Variants in PDIA3 observed in about 807,000 individuals in gnomAD.
PDIA3 encodes the protein protein disulfide isomerase family A member 3.
A neutral mutation model predicts 56.9 loss-of-function variants in PDIA3; 16 were observed. That is an observed-to-expected ratio of 0.28 (90% CI 0.19 to 0.43). The LOEUF is 0.43. Ranked by LOEUF, PDIA3 falls within the 20% of genes least tolerant of loss-of-function variation. The pLI is 1.00. For synonymous variants in PDIA3, 192 were observed against 216.5 expected (o/e 0.89, Z 0.99); for missense variants, 485 against 621.3 (o/e 0.78, Z 2.33).
rs552811479 is a variant in PDIA3 at position 43,751,095 on chromosome 15, G to T, written c.168-2729G>T. On this transcript the variant is annotated intron_variant, in intron 1 of 12. Transcript: ENST00000300289. ...TGCAGTGAGCTGAGATCATGCCACT[G>T]GACTCCAGCCTGAGTGACAGAGCAA... Among the ~76,000 whole-genome samples, 12 of 150,184 alleles carry T rather than the reference G, an allele frequency of 8.0e-5. No homozygotes were observed. In the South Asian group the frequency reaches 2.3e-3, roughly 29 times the overall value.
rs991467448 is a variant in PDIA3 at position 43,751,058 on chromosome 15, G to A, written c.168-2766G>A. ...GAGGCAGGAGAATTGCTTGAACCTG[G>A]GAGGTGCAGGTTGCAGTGAGCTGAG... On this transcript the variant is annotated intron_variant, in intron 1 of 12. Transcript: ENST00000300289. Among the ~76,000 whole-genome samples the A allele has an allele frequency of 2.6e-5, 4 of 151,796 alleles. No homozygotes were observed. In the East Asian group the frequency reaches 7.7e-4, roughly 29 times the overall value.
intron 2 of PDIA3, among the ~76,000 whole-genome samples, chr15:43,755,712 A>G (rs2086774576): frequency 1.3e-5 from 2 of 152,144 alleles, no homozygotes; most frequent in East Asian, 3.9e-4. Context: ...TCTGGAGTTC[A>G]AGACCAGCCT....
chr15:43,752,192 C>T (rs141934518), intron 1 of PDIA3, among the ~76,000 whole-genome samples: 38 of 152,328 alleles, frequency 2.5e-4, no homozygotes, highest in African/African-American at 8.4e-4. Context: ...TATTCTTTTA[C>T]GTTTGCTCTA....
chr15:43,753,934 G>A (rs778151391), intron 2 of PDIA3, 32 bp downstream of exon 2: 160 of 1,445,064 alleles, frequency 1.1e-4, no homozygotes, highest in Middle Eastern at 1.7e-4. Flanking sequence ...ACTAAAGGAC[G>A]TGAAGTATTT....
At position 43,769,498 on chromosome 15, in the gene PDIA3, G is replaced by C; in HGVS notation, c.1138-20G>C. 1 of 1,610,390 alleles carries C rather than the reference G, an allele frequency of 6.2e-7. No homozygotes were observed. Among genetic ancestry groups the C allele is most frequent in the Non-Finnish European group, 8.5e-7 (1 of 1,176,946 alleles). ...TTATTTTTTTATGTTACCAACTAGAGATTCTTCTGTGTTTTCCAGGTAGTG... is the reference window on the plus strand; with the variant it reads ...TTATTTTTTTATGTTACCAACTAGACATTCTTCTGTGTTTTCCAGGTAGTG... On this transcript the variant is annotated intron_variant, in intron 9 of 12. Coordinates refer to ENST00000300289, the MANE Select transcript of PDIA3 (RefSeq NM_005313.5).
At chr15:43,748,459 CAA>C (rs1567154177) in intron 1 of PDIA3, among the ~76,000 whole-genome samples, 1 of 151,782 alleles carries the variant, frequency 6.6e-6, no homozygotes, top group Non-Finnish European at 1.5e-5. Context: ...GCCTGGGCAA[CAA>C]GAGCGAAACT....
At chr15:43,746,983 C>T (rs572653588) in intron 1 of PDIA3, 3 of 527,842 alleles carry the variant, frequency 5.7e-6, no homozygotes, top group East Asian at 3.4e-5. Flanking sequence ...GAGGGTTTTG[C>T]CACCCCTTCC....
intron 9 of PDIA3, 77 bp downstream of exon 9, chr15:43,768,674 A>AATGAAG (rs2086863090): frequency 1.0e-6 from 1 of 957,434 alleles, no homozygotes; most frequent in Non-Finnish European, 1.7e-6. Flanking sequence ...GTGGGGTCTA[A>AATGAAG]ATGAAGACTT....
intron 7 of PDIA3, 115 bp from the exon 8 acceptor site, chr15:43,766,613 C>T (rs781589736): frequency 2.2e-5 from 17 of 788,056 alleles, no homozygotes; most frequent in Non-Finnish European, 3.5e-5. Context: ...AGACTGATTC[C>T]AGAAGGCTAG....
At chr15:43,750,381 T>C (rs2086736072) in intron 1 of PDIA3, among the ~76,000 whole-genome samples, 1 of 152,078 alleles carries the variant, frequency 6.6e-6, no homozygotes, top group Non-Finnish European at 1.5e-5. Flanking sequence ...TAATCTGCTA[T>C]ATATTTTTAA....
At chr15:43,751,740 T>G (rs1358562508) in intron 1 of PDIA3, 1 of 1,298,146 alleles carries the variant, frequency 7.7e-7, no homozygotes, top group Non-Finnish European at 1.0e-6. Flanking sequence ...CTCCCCAGAT[T>G]TCTGGAGATT....
At chr15:43,752,140 C>G (rs899170956) in intron 1 of PDIA3, among the ~76,000 whole-genome samples, 6 of 152,192 alleles carry the variant, frequency 3.9e-5, no homozygotes, top group African/African-American at 1.2e-4. Context: ...TATTATCTCA[C>G]AAAAGCCCTT....
chr15:43,770,967 A>G, intron 12 of PDIA3, 138 bp from the exon 13 acceptor site: 1 of 642,572 alleles, frequency 1.6e-6, no homozygotes, highest in South Asian at 2.0e-5. Context: ...TTATTTAACT[A>G]AAATCTCTTT....
At chr15:43,756,614 G>T in intron 2 of PDIA3, 35 bp from the exon 3 acceptor site, 1 of 1,207,968 alleles carries the variant, frequency 8.3e-7, no homozygotes. Context: ...GCAGAAACTT[G>T]GATAAGAAAA....
In PDIA3 at chr15:43,765,993, T is replaced by A. The variant is rs2086845517; in HGVS notation, c.826T>A (p.Ser276Thr). The A allele has an allele frequency of 6.2e-7, 1 of 1,613,480 alleles. No individual in the cohort carries two copies. The highest frequency in any genetic ancestry group is 1.3e-5 in the African/African-American group (1 of 74,906). Residue 276 changes from serine to threonine, a missense_variant, in exon 7 of 13, where the codon TCC becomes ACC. Transcript: ENST00000300289. ...DVDYEKNAKGSNYWRNRVMMV... is the reference protein window; with the variant it reads ...DVDYEKNAKGTNYWRNRVMMV... ...GGACTATGAAAAGAACGCTAAAGGT[T>A]CCAACTACTGGAGAAACAGGTAATA...
At chr15:43,746,737 A>T (rs1216515820) in intron 1 of PDIA3, 31 bp downstream of exon 1, 1 of 1,610,512 alleles carries the variant, frequency 6.2e-7, no homozygotes, top group Admixed American at 1.7e-5. Context: ...CGGGGGAAGA[A>T]AGGCGGGGCT....
Position 43,768,593 on chromosome 15 carries a change from T to C in PDIA3, c.1133T>C (p.Val378Ala), listed in dbSNP as rs2086862636. ...EPIPESNDGPVKVVVAENFDE... is the reference protein window; with the variant it reads ...EPIPESNDGPAKVVVAENFDE... ...ATCCCAGAGAGCAATGATGGGCCTG[T>C]GAAGGTGAGGTGCTCACAGCCTCAT... The change falls in exon 9 of 13, where the codon GTG becomes GCG. Residue 378 changes from valine (V) to alanine (A), a missense_variant. Coordinates refer to ENST00000300289, the MANE Select transcript of PDIA3 (RefSeq NM_005313.5). 6.3e-7 allele frequency: 1 copy of C among 1,598,802 alleles called. No homozygotes were observed. The highest frequency in any genetic ancestry group is 8.6e-7 in the Non-Finnish European group (1 of 1,166,198).
intron 1 of PDIA3, chr15:43,753,037 TATC>T: frequency 2.7e-6 from 1 of 366,318 alleles, no homozygotes; most frequent in Non-Finnish European, 5.4e-6. Flanking sequence ...AAAGACTTAA[TATC>T]ATACTTGAGA....
intron 3 of PDIA3, among the ~76,000 whole-genome samples, chr15:43,757,584 G>A (rs931752074): frequency 2.0e-5 from 3 of 150,254 alleles, no homozygotes; most frequent in African/African-American, 7.4e-5. Context: ...GTGTGGGCCA[G>A]GCACAGTGGC....
Sources: gnomAD v4.1 joint callset for allele counts (sites outside exome capture counted in the v4.1 genomes callset) on GRCh38, gnomAD v4.1.1 for gene constraint, MANE v1.5 for transcripts, NCBI Gene and HGNC (gene_info 2026-07-23, HGNC 2026-07-21) for gene names.